The following LMF1 variants were observed in gnomAD, a reference collection of about 807,000 sequenced individuals.
LMF1 encodes the protein transmembrane protein 112.
Under a neutral mutation model 60.6 loss-of-function variants are expected in LMF1, and 68 were observed. The ratio of observed to expected loss-of-function variants is 1.12; its 90% CI spans 0.92 to 1.37. The LOEUF (loss-of-function observed/expected upper bound fraction) is 1.37, where lower values mean the gene tolerates loss of function less well. Among genes scored for constraint, LMF1 ranks in the 40% most tolerant of loss-of-function variants. The pLI is 0.00. For synonymous variants in LMF1, 418 were observed against 324.7 expected, an observed-to-expected ratio of 1.29 and a Z score of -3.09; for missense variants, 948 against 767.2, an observed-to-expected ratio of 1.24 and a Z score of -2.78.
At chr16:865,251 A>T (rs994380021) in intron 10 of LMF1, among the ~76,000 whole-genome samples, 8 of 152,212 alleles carry the variant, frequency 5.3e-5, no homozygotes, top group Non-Finnish European at 1.2e-4. Context: ...TACTTCCTCT[A>T]CATAAACTTT....
chr16:906,249 T>C (rs2070969298), intron 4 of LMF1, among the ~76,000 whole-genome samples: 1 of 152,180 alleles, frequency 6.6e-6, no homozygotes. Flanking sequence ...CGCCTTGTGA[T>C]GGTTAATACT....
intron 2 of LMF1, among the ~76,000 whole-genome samples, chr16:951,706 C>T (rs1338799811): frequency 6.6e-6 from 1 of 152,222 alleles, no homozygotes; most frequent in Non-Finnish European, 1.5e-5. Context: ...AAGCCTCCCA[C>T]GCAGGTGGGC....
chr16:963,927 C>G, intron 1 of LMF1: 1 of 404,942 alleles, frequency 2.5e-6, no homozygotes, highest in Non-Finnish European at 5.1e-6. Context: ...TGAAACATCA[C>G]AGGCTCTCAA....
At chr16:926,365 CAT>C (rs1162269379) in intron 3 of LMF1, among the ~76,000 whole-genome samples, 6 of 152,220 alleles carry the variant, frequency 3.9e-5, no homozygotes, top group Middle Eastern at 3.2e-3. Context: ...CACGTGCTTG[CAT>C]ATGATCTGCA....
intron 3 of LMF1, chr16:933,197 T>G (rs1031430647): frequency 6.6e-6 from 1 of 152,228 alleles, no homozygotes; most frequent in Non-Finnish European, 1.5e-5. Context: ...AGGAAACCCA[T>G]GAGTGACAGT....
intron 2 of LMF1, among the ~76,000 whole-genome samples, chr16:937,123 T>A (rs893745962): frequency 1.3e-5 from 2 of 152,210 alleles, no homozygotes; most frequent in Admixed American, 1.3e-4. Context: ...GAAAATGCAT[T>A]CTTCTGTCAC....
intron 10 of LMF1, among the ~76,000 whole-genome samples, chr16:857,831 T>A (rs371223325): frequency 3.0e-3 from 102 of 34,078 alleles, no homozygotes; most frequent in Admixed American, 4.3e-3. Context: ...GAGTGGTGTC[T>A]CGGGATGGGT....
At chr16:914,707 C>CT (rs2071229025) in intron 3 of LMF1, among the ~76,000 whole-genome samples, 1 of 64,720 alleles carries the variant, frequency 1.5e-5, no homozygotes, top group Non-Finnish European at 3.4e-5. Context: ...ACACTCCCTC[C>CT]CACGACCATT....
At chr16:889,775 G>A (rs923203431) in intron 5 of LMF1, among the ~76,000 whole-genome samples, 12 of 152,168 alleles carry the variant, frequency 7.9e-5, no homozygotes, top group South Asian at 4.1e-4. Context: ...GAGGATTCAC[G>A]CAGGGCCCTG....
intron 6 of LMF1, chr16:872,254 TCC>T (rs2151703365): frequency 6.6e-6 from 1 of 152,254 alleles, no homozygotes; most frequent in African/African-American, 2.4e-5. Flanking sequence ...CTCAGACAGC[TCC>T]GTCAGCCAGA....
chr16:908,018 C>T (rs915827203), intron 4 of LMF1, among the ~76,000 whole-genome samples: 7 of 152,204 alleles, frequency 4.6e-5, no homozygotes, highest in African/African-American at 7.2e-5. Context: ...TCTGCGGGGC[C>T]GGCTCCTCTC....
chr16:934,201 C>G (rs375294291), intron 3 of LMF1, 43 bp downstream of exon 3: 1 of 1,599,250 alleles, frequency 6.3e-7, no homozygotes, highest in Admixed American at 1.7e-5. Flanking sequence ...AAACACACAA[C>G]GCTCAACTCT....
intron 1 of LMF1, chr16:980,892 G>A (rs1567353252): frequency 6.6e-6 from 1 of 152,104 alleles, no homozygotes; most frequent in African/African-American, 2.4e-5. Context: ...CCCGCCGGAG[G>A]GGCCTCCCCG....
intron 1 of LMF1, among the ~76,000 whole-genome samples, chr16:978,118 C>A (rs559582827): frequency 5.1e-5 from 7 of 137,458 alleles, no homozygotes; most frequent in Non-Finnish European, 6.3e-5. Flanking sequence ...CACCACACAC[C>A]ATACACACAC....
At chr16:951,210 A>ATGACAGAGTCAGC (rs1345456308) in intron 2 of LMF1, among the ~76,000 whole-genome samples, 1 of 149,966 alleles carries the variant, frequency 6.7e-6, no homozygotes, top group East Asian at 1.9e-4. Context: ...GAGTCAGCCA[A>ATGACAGAGTCAGC]TGACAGAGTC....
intron 3 of LMF1, among the ~76,000 whole-genome samples, chr16:921,494 G>A (rs1326414873): frequency 1.3e-5 from 2 of 152,218 alleles, no homozygotes; most frequent in African/African-American, 2.4e-5. Context: ...GGGACAAAAC[G>A]CTCCACGCGT....
rs1027934526 is a variant in LMF1, at chr16:878,076, G to A, written c.897+1494C>T. On this transcript the variant is annotated intron_variant, in intron 6 of 10. Coordinates refer to ENST00000262301, the MANE Select transcript of LMF1 (RefSeq NM_022773.4). This position sits in a 1 kb window ranked among gnomAD's most constrained non-coding sequence, Gnocchi z 5.2. ...GGAACCGACTGAAGCTATTCCAGGA[G>A]CCCCCAGACGCGCGTGGGGTCCAGC... Among the ~76,000 whole-genome samples, 7 of 152,042 alleles carry A rather than the reference G, an allele frequency of 4.6e-5. No homozygotes were observed. Among genetic ancestry groups the A allele is most frequent in the African/African-American group, 1.7e-4 (7 of 41,378 alleles).
chr16:863,808 T>G (rs1226450417), intron 10 of LMF1, among the ~76,000 whole-genome samples: 1 of 152,224 alleles, frequency 6.6e-6, no homozygotes, highest in Non-Finnish European at 1.5e-5. Context: ...GATGTCAGAT[T>G]ATTGATTTGA....
rs879305377 is a variant in LMF1, at chr16:958,910, A to AAAC, written c.194-4245_194-4244insGTT. On this transcript the variant is annotated intron_variant, in intron 1 of 10. Transcript: ENST00000262301. ...AAAAAAAAAACCAAAAAAACAAAAC[A>AAAC]AAAAAAACACGAACATGGACAGTGC... Among the ~76,000 whole-genome samples, 738 of 145,844 alleles carry AAAC rather than the reference A, an allele frequency of 5.1e-3. 3 individuals carry two copies. The highest frequency in any genetic ancestry group is 7.1e-3 in the Non-Finnish European group (469 of 66,168).
Sources: allele counts gnomAD v4.1 joint callset (sites outside exome capture counted in the v4.1 genomes callset), GRCh38; gene constraint gnomAD v4.1.1; non-coding constraint Gnocchi (gnomAD v3.1); transcripts MANE v1.5; gene names NCBI Gene and HGNC (gene_info 2026-07-23, HGNC 2026-07-21).